The following CYYR1 variants were observed in gnomAD, a reference collection of about 807,000 sequenced individuals.
CYYR1 encodes cysteine and tyrosine-rich protein 1.
A neutral mutation model predicts 15.2 loss-of-function variants in CYYR1; 14 were observed. The observed-to-expected ratio is 0.92, with a 90% confidence interval of 0.61 to 1.44. CYYR1 has a LOEUF of 1.44. CYYR1 is among the 40% of genes most tolerant of loss of function. CYYR1 has a pLI of 0.00. For missense variants in CYYR1, 228 were observed against 209.5 expected, an observed-to-expected ratio of 1.09 and a Z score of -0.54; for synonymous variants, 80 against 77.4, an observed-to-expected ratio of 1.03 and a Z score of -0.18.
chr21:26,498,119 C>G (rs376928249), intron 2 of CYYR1, among the ~76,000 whole-genome samples: 2 of 152,092 alleles, frequency 1.3e-5, no homozygotes, highest in Non-Finnish European at 2.9e-5. Context: ...GATGAAGTAC[C>G]TAGTCAGTAT....
chr21:26,544,883 G>C (rs1978844193), intron 2 of CYYR1, among the ~76,000 whole-genome samples: 1 of 151,910 alleles, frequency 6.6e-6, no homozygotes, highest in Non-Finnish European at 1.5e-5. Flanking sequence ...AGACCAGCCT[G>C]GGCAAAGAAA....
intron 2 of CYYR1, among the ~76,000 whole-genome samples, chr21:26,493,594 GA>G (rs2071404204): frequency 6.6e-6 from 1 of 152,098 alleles, no homozygotes; most frequent in African/African-American, 2.4e-5. Flanking sequence ...ACTAAGTCTG[GA>G]GGAAGTTTAT....
intron 3 of CYYR1, among the ~76,000 whole-genome samples, chr21:26,475,418 G>C (rs2065090004): frequency 6.6e-6 from 1 of 152,042 alleles, no homozygotes. Context: ...ATAATGAATT[G>C]TCTCTGATCC....
intron 2 of CYYR1, among the ~76,000 whole-genome samples, chr21:26,534,885 T>A (rs945160697): frequency 1.3e-5 from 2 of 152,198 alleles, no homozygotes; most frequent in Non-Finnish European, 2.9e-5. Context: ...ACTGTAATAG[T>A]TGTATGTACG....
chr21:26,543,900 C>T (rs1364955187), intron 2 of CYYR1, among the ~76,000 whole-genome samples: 8 of 151,652 alleles, frequency 5.3e-5, no homozygotes, highest in Admixed American at 6.6e-5. Flanking sequence ...AGTGAGACTC[C>T]ATCTCAAAAA....
At chr21:26,529,041 T>A (rs2123595315) in intron 2 of CYYR1, among the ~76,000 whole-genome samples, 1 of 152,344 alleles carries the variant, frequency 6.6e-6, no homozygotes, top group Middle Eastern at 3.4e-3. Context: ...TACTCAGTTT[T>A]TCCTTGTGAT....
intron 2 of CYYR1, among the ~76,000 whole-genome samples, chr21:26,485,472 T>C (rs891194513): frequency 6.6e-6 from 1 of 152,134 alleles, no homozygotes; most frequent in Non-Finnish European, 1.5e-5. Context: ...TATGGTCATA[T>C]CCAACATGCC....
At position 26,468,326 on chromosome 21, in the gene CYYR1, T is replaced by A; in HGVS notation, c.*175A>T. On this transcript the variant is annotated 3_prime_UTR_variant, in exon 4 of 4. Coordinates refer to ENST00000652641, the MANE Select transcript of CYYR1 (RefSeq NM_001320768.2). Reference sequence around the variant, plus strand: ...CCAAACATTAATACTCCAGATGGGGTCAGCTTTGAGCAGAGTAGAAATCCT... The same window carrying A: ...CCAAACATTAATACTCCAGATGGGGACAGCTTTGAGCAGAGTAGAAATCCT... 4.7e-6 allele frequency: 3 copies of A among 644,110 alleles called. No homozygotes were observed. The allele number at this position is 644,110 out of a possible 1,614,324, so 39.9% of individuals were successfully genotyped here.
At chr21:26,517,114 CAAAAAAAAAAAAAAAAAA>C (rs61352955) in intron 2 of CYYR1, among the ~76,000 whole-genome samples, 4 of 46,706 alleles carry the variant, frequency 8.6e-5, no homozygotes, top group East Asian at 1.3e-3. Context: ...GACTCCGTCT[CAAAAAAAAAAAAAAAAAA>C]AAAAAAAAAA....
At chr21:26,563,135 A>G (rs1475123891) in intron 2 of CYYR1, among the ~76,000 whole-genome samples, 2 of 152,192 alleles carry the variant, frequency 1.3e-5, no homozygotes, top group African/African-American at 2.4e-5. Context: ...GACCAGAAGT[A>G]GACAGGCCAT....
intron 2 of CYYR1, among the ~76,000 whole-genome samples, chr21:26,516,863 C>A (rs1279810821): frequency 2.0e-5 from 3 of 151,850 alleles, no homozygotes; most frequent in Non-Finnish European, 4.4e-5. Context: ...CGCCTGTAAT[C>A]CCAGCACTTT....
intron 1 of CYYR1, among the ~76,000 whole-genome samples, chr21:26,570,575 A>T (rs1000414063): frequency 6.6e-6 from 1 of 152,230 alleles, no homozygotes; most frequent in African/African-American, 2.4e-5. Flanking sequence ...ATAGTACAAC[A>T]TGATGCTTCA....
intron 2 of CYYR1, chr21:26,482,315 T>TTGA (rs2065192516): frequency 1.0e-6 from 1 of 983,926 alleles, no homozygotes; most frequent in East Asian, 1.1e-4. Flanking sequence ...CATATACATA[T>TTGA]TGATATCTGC....
intron 2 of CYYR1, among the ~76,000 whole-genome samples, chr21:26,517,110 G>A (rs1240060325): frequency 4.8e-5 from 3 of 62,404 alleles, no homozygotes; most frequent in Admixed American, 2.8e-4. Context: ...GCGAGACTCC[G>A]TCTCAAAAAA....
intron 2 of CYYR1, among the ~76,000 whole-genome samples, chr21:26,563,268 A>G (rs1013095466): frequency 5.3e-5 from 8 of 151,920 alleles, no homozygotes; most frequent in African/African-American, 1.9e-4. Flanking sequence ...TTTAGAATAG[A>G]AAGAATCTAA....
intron 2 of CYYR1, among the ~76,000 whole-genome samples, chr21:26,490,967 A>G (rs1261164985): frequency 6.6e-6 from 1 of 152,216 alleles, no homozygotes; most frequent in African/African-American, 2.4e-5. Context: ...TTAAGCTCTA[A>G]GACCTGATGA....
chr21:26,499,972 A>G (rs541014815), intron 2 of CYYR1, among the ~76,000 whole-genome samples: 2 of 152,158 alleles, frequency 1.3e-5, no homozygotes, highest in South Asian at 4.2e-4. Flanking sequence ...GACAAATACC[A>G]CAGGCTAGGT....
chr21:26,556,859 G>A (rs1271472934), intron 2 of CYYR1, among the ~76,000 whole-genome samples: 1 of 152,082 alleles, frequency 6.6e-6, no homozygotes, highest in Non-Finnish European at 1.5e-5. Context: ...TAATGCTACG[G>A]CAGCAAACAG....
intron 2 of CYYR1, 26 bp from the exon 3 acceptor site, chr21:26,480,455 C>A (rs763507171): frequency 5.6e-6 from 9 of 1,594,306 alleles, no homozygotes; most frequent in Non-Finnish European, 7.7e-6. Context: ...AGTAAGTTTA[C>A]TCAAAAGACT....
Sources: gnomAD v4.1 joint callset for allele counts (sites outside exome capture counted in the v4.1 genomes callset) on GRCh38, gnomAD v4.1.1 for gene constraint, MANE v1.5 for transcripts, NCBI Gene and HGNC (gene_info 2026-07-23, HGNC 2026-07-21) for gene names.